The following CMSS1 variants were observed in gnomAD, a reference collection of about 807,000 sequenced individuals.
CMSS1 encodes cms1 ribosomal small subunit homolog.
Under a neutral mutation model 43.5 loss-of-function variants are expected in CMSS1, and 33 were observed. The ratio of observed to expected loss-of-function variants is 0.76; its 90% CI spans 0.57 to 1.01. CMSS1 has a LOEUF of 1.01. Among genes scored for constraint, CMSS1 ranks in the 50% least tolerant of loss-of-function variants. The probability of loss-of-function intolerance (pLI) is 0.00; values close to 1 mark genes in which losing one functional copy is unlikely to be tolerated. For missense variants in CMSS1, 313 were observed against 326.4 expected (o/e 0.96, Z 0.32); for synonymous variants, 115 against 117.2 (o/e 0.98, Z 0.12).
At chr3:100,016,921 A>G (rs561090486) in intron 1 of CMSS1, among the ~76,000 whole-genome samples, 2 of 152,370 alleles carry the variant, frequency 1.3e-5, no homozygotes, top group South Asian at 4.1e-4. Flanking sequence ...GAATATTTCC[A>G]TCTAATTATA....
intron 1 of CMSS1, among the ~76,000 whole-genome samples, chr3:99,985,806 C>G (rs1020831048): frequency 7.4e-4 from 113 of 152,250 alleles, no homozygotes; most frequent in African/African-American, 2.6e-3. Context: ...TCAGGCTGGT[C>G]TCGAACTCCT....
chr3:100,174,240 G>A (rs2067131305), intron 8 of CMSS1, among the ~76,000 whole-genome samples: 1 of 152,132 alleles, frequency 6.6e-6, no homozygotes, highest in South Asian at 2.1e-4. Flanking sequence ...GTAATTGGCT[G>A]GGTATCAGAA....
At chr3:100,132,662 A>G (rs1403301055) in intron 1 of CMSS1, among the ~76,000 whole-genome samples, 1 of 151,822 alleles carries the variant, frequency 6.6e-6, no homozygotes, top group Non-Finnish European at 1.5e-5. Context: ...TACTAAAAAT[A>G]CAAAAAATTA....
intron 1 of CMSS1, chr3:99,850,454 A>G: frequency 6.2e-7 from 1 of 1,613,968 alleles, no homozygotes; most frequent in Non-Finnish European, 8.5e-7. Context: ...TTACTCTGTA[A>G]CGTCTCCCTT....
At chr3:99,845,358 A>G (rs2107514187) in intron 1 of CMSS1, among the ~76,000 whole-genome samples, 1 of 152,324 alleles carries the variant, frequency 6.6e-6, no homozygotes, top group Admixed American at 6.5e-5. Context: ...TGGGAATGTG[A>G]GTAAAATGAA....
At chr3:99,897,387 GCTTA>G (rs1274346289) in intron 1 of CMSS1, among the ~76,000 whole-genome samples, 1 of 151,872 alleles carries the variant, frequency 6.6e-6, no homozygotes, top group Non-Finnish European at 1.5e-5. Context: ...AAAAAAGTTG[GCTTA>G]CTTGTTCTAT....
intron 1 of CMSS1, among the ~76,000 whole-genome samples, chr3:99,997,372 A>C (rs1484822976): frequency 6.6e-6 from 1 of 152,364 alleles, no homozygotes; most frequent in East Asian, 1.9e-4. Context: ...AAATGGCTGT[A>C]TGCTATCTTT....
intron 9 of CMSS1, 99 bp downstream of exon 9, chr3:100,176,514 T>C: frequency 1.4e-6 from 1 of 734,856 alleles, no homozygotes; most frequent in Non-Finnish European, 2.3e-6. Context: ...CCAGCACATG[T>C]TAGATTTTGA....
intron 1 of CMSS1, among the ~76,000 whole-genome samples, chr3:100,020,311 T>C (rs1388696529): frequency 6.6e-6 from 1 of 152,206 alleles, no homozygotes; most frequent in African/African-American, 2.4e-5. Context: ...ATTTAGGACT[T>C]GGTGCCATGG....
intron 1 of CMSS1, among the ~76,000 whole-genome samples, chr3:100,033,849 A>G (rs1444478303): frequency 6.6e-6 from 1 of 152,186 alleles, no homozygotes; most frequent in Non-Finnish European, 1.5e-5. Context: ...AGAGGAAACA[A>G]TATTATTTTC....
chr3:100,069,114 C>T (rs989213809), intron 1 of CMSS1, among the ~76,000 whole-genome samples: 2 of 152,170 alleles, frequency 1.3e-5, no homozygotes, highest in African/African-American at 4.8e-5. Flanking sequence ...AGTTTTGTTC[C>T]ATTTAGTTTC....
chr3:100,164,542 G>A (rs979605904), intron 4 of CMSS1, among the ~76,000 whole-genome samples: 9 of 152,112 alleles, frequency 5.9e-5, no homozygotes, highest in African/African-American at 2.2e-4. Context: ...AAATATGTTT[G>A]AAATAACGTT....
chr3:99,873,191 G>A (rs192531852), intron 1 of CMSS1, among the ~76,000 whole-genome samples: 1 of 152,320 alleles, frequency 6.6e-6, no homozygotes. Flanking sequence ...TGCATATGCA[G>A]TGTCTCTTCA....
intron 1 of CMSS1, among the ~76,000 whole-genome samples, chr3:99,820,738 T>C: frequency 6.6e-6 from 1 of 152,254 alleles, no homozygotes; most frequent in East Asian, 1.9e-4. Flanking sequence ...CAAGGCTTAC[T>C]TACCTGGCTG....
At chr3:99,912,762 C>T (rs2107640921) in intron 1 of CMSS1, among the ~76,000 whole-genome samples, 1 of 152,270 alleles carries the variant, frequency 6.6e-6, no homozygotes, top group African/African-American at 2.4e-5. Context: ...AGTTGATGGA[C>T]ATTTGGGTTG....
At chr3:99,977,715 A>G (rs1239388187) in intron 1 of CMSS1, among the ~76,000 whole-genome samples, 1 of 152,168 alleles carries the variant, frequency 6.6e-6, no homozygotes, top group African/African-American at 2.4e-5. Context: ...AAATAAGAGA[A>G]TGGAATCATT....
intron 1 of CMSS1, among the ~76,000 whole-genome samples, chr3:99,866,525 T>C (rs1012729261): frequency 2.6e-5 from 4 of 152,330 alleles, no homozygotes; most frequent in African/African-American, 9.6e-5. Context: ...TTTTGATCCT[T>C]AGAGGACTTT....
At chr3:99,931,809 T>C (rs1228609174) in intron 1 of CMSS1, among the ~76,000 whole-genome samples, 4 of 152,254 alleles carry the variant, frequency 2.6e-5, no homozygotes, top group African/African-American at 7.2e-5. Context: ...CATCTGATTA[T>C]ATAATCATCC....
chr3:99,956,937 A>G (rs1708337285), intron 1 of CMSS1, among the ~76,000 whole-genome samples: 1 of 152,080 alleles, frequency 6.6e-6, no homozygotes, highest in Non-Finnish European at 1.5e-5. Flanking sequence ...TAATTTCCAA[A>G]TCCAGGAACC....
Sources: gnomAD v4.1 joint callset for allele counts (sites outside exome capture counted in the v4.1 genomes callset) on GRCh38, gnomAD v4.1.1 for gene constraint, MANE v1.5 for transcripts, NCBI Gene and HGNC (gene_info 2026-07-23, HGNC 2026-07-21) for gene names.